MGAT5: variants seen among roughly 807,000 people sequenced by gnomAD.
MGAT5 encodes alpha-1,6-mannosylglycoprotein 6-beta-N-acetylglucosaminyltransferase A.
In MGAT5, 30 loss-of-function variants were observed where a neutral mutation model predicts 94.3. The ratio of observed to expected loss-of-function variants is 0.32; its 90% CI spans 0.24 to 0.43. The LOEUF (loss-of-function observed/expected upper bound fraction) is 0.43. Ranked by LOEUF, MGAT5 falls within the 20% of genes least tolerant of loss-of-function variation. MGAT5 has a pLI of 1.00. For synonymous variants in MGAT5, 310 were observed against 322.9 expected (o/e 0.96, Z 0.43); for missense variants, 691 against 905.5 (o/e 0.76, Z 3.04).
chr2:134,303,174 T>C (rs1686132375), intron 2 of MGAT5, among the ~76,000 whole-genome samples: 1 of 152,208 alleles, frequency 6.6e-6, no homozygotes, highest in South Asian at 2.1e-4. Context: ...TTTTCAAATT[T>C]ACTGATCTTT....
chr2:134,298,325 C>T (rs1685808996), intron 2 of MGAT5, among the ~76,000 whole-genome samples: 1 of 152,050 alleles, frequency 6.6e-6, no homozygotes, highest in Non-Finnish European at 1.5e-5. Context: ...CTTGAACTCC[C>T]GACCTCAAGT....
At chr2:134,127,492 G>T (rs1685895784) in intron 1 of MGAT5, among the ~76,000 whole-genome samples, 1 of 143,286 alleles carries the variant, frequency 7.0e-6, no homozygotes, top group African/African-American at 2.6e-5. Flanking sequence ...CAAGGAAAAG[G>T]TTTCCCCCCC....
intron 2 of MGAT5, among the ~76,000 whole-genome samples, chr2:134,313,704 T>C (rs79887829): frequency 0.031 from 4,780 of 152,256 alleles, 253 homozygotes; most frequent in African/African-American, 0.11. Flanking sequence ...CTTTTTTCTT[T>C]TTATGCCCTC....
intron 10 of MGAT5, among the ~76,000 whole-genome samples, chr2:134,378,655 G>T (rs114460412): frequency 0.012 from 1,673 of 139,314 alleles, 34 homozygotes; most frequent in African/African-American, 0.042. Flanking sequence ...TCACTCTGTC[G>T]CCCAGGCTTG....
chr2:134,289,179 AGT>A (rs985636310), intron 2 of MGAT5, among the ~76,000 whole-genome samples: 2 of 152,108 alleles, frequency 1.3e-5, no homozygotes, highest in African/African-American at 4.8e-5. Context: ...TGGGCACCGC[AGT>A]GTGCCAGTCT....
chr2:134,374,529 C>T (rs1250578769), intron 10 of MGAT5, among the ~76,000 whole-genome samples: 2 of 152,156 alleles, frequency 1.3e-5, no homozygotes, highest in African/African-American at 2.4e-5. Context: ...CATTGAGAAT[C>T]GGTGATAAAC....
chr2:134,168,765 ACT>A (rs1414961325), intron 1 of MGAT5, among the ~76,000 whole-genome samples: 2 of 152,194 alleles, frequency 1.3e-5, no homozygotes, highest in East Asian at 3.8e-4. Context: ...AACCATAGAC[ACT>A]CTTTACTTTG....
chr2:134,189,602 G>GTTTGGTTTTGTTT (rs1689234800), intron 1 of MGAT5, among the ~76,000 whole-genome samples: 1 of 84,672 alleles, frequency 1.2e-5, no homozygotes, highest in Non-Finnish European at 2.3e-5. Context: ...GTTTTTTTTT[G>GTTTGGTTTTGTTT]TTTTTTTTTT....
intron 1 of MGAT5, among the ~76,000 whole-genome samples, chr2:134,202,314 A>G (rs1295952673): frequency 6.6e-6 from 1 of 152,164 alleles, no homozygotes; most frequent in Non-Finnish European, 1.5e-5. Flanking sequence ...AGCCCTTGTG[A>G]ATGGGGTTCA....
At chr2:134,391,832 A>G (rs1197511543) in intron 10 of MGAT5, among the ~76,000 whole-genome samples, 1 of 152,170 alleles carries the variant, frequency 6.6e-6, no homozygotes, top group Non-Finnish European at 1.5e-5. Context: ...ACTTAACCAC[A>G]TTATCTCATG....
At chr2:134,141,988 T>C (rs1372244212) in intron 1 of MGAT5, among the ~76,000 whole-genome samples, 1 of 152,144 alleles carries the variant, frequency 6.6e-6, no homozygotes, top group Non-Finnish European at 1.5e-5. Flanking sequence ...GGAGCAAGCC[T>C]GGCTCAGGAG....
At chr2:134,399,223 T>G (rs1682894016) in intron 10 of MGAT5, among the ~76,000 whole-genome samples, 1 of 152,188 alleles carries the variant, frequency 6.6e-6, no homozygotes, top group South Asian at 2.1e-4. Context: ...TAAAATAAGT[T>G]GGGGAAAGCT....
chr2:134,229,405 C>G (rs548418303), intron 1 of MGAT5, among the ~76,000 whole-genome samples: 6 of 152,216 alleles, frequency 3.9e-5, no homozygotes, highest in Non-Finnish European at 7.3e-5. Flanking sequence ...TGCCTACACA[C>G]ATGTGTGTTT....
At chr2:134,427,546 GA>G (rs1353820456) in intron 13 of MGAT5, among the ~76,000 whole-genome samples, 2 of 152,028 alleles carry the variant, frequency 1.3e-5, no homozygotes, top group African/African-American at 2.4e-5. Context: ...GGCTTTTTTG[GA>G]AATTCAGTGA....
chr2:134,253,608 C>T (rs776633618), upstream of MGAT5, among the ~76,000 whole-genome samples: 1 of 152,150 alleles, frequency 6.6e-6, no homozygotes, highest in Non-Finnish European at 1.5e-5. Context: ...GTGAGGTGTA[C>T]CTTTTCCTCA....
chr2:134,380,127 G>A (rs1013847478), intron 10 of MGAT5, among the ~76,000 whole-genome samples: 1 of 152,204 alleles, frequency 6.6e-6, no homozygotes, highest in African/African-American at 2.4e-5. Flanking sequence ...AAGACAAGGA[G>A]CGTGTTGTTC....
intron 1 of MGAT5, among the ~76,000 whole-genome samples, chr2:134,167,437 G>A (rs1280602309): frequency 6.6e-6 from 1 of 152,184 alleles, no homozygotes; most frequent in Non-Finnish European, 1.5e-5. Flanking sequence ...TCACCTGGAG[G>A]CCTTGTTAAA....
rs185272594 is a variant in MGAT5, at chr2:134,364,286, G to C, written c.1380+1878G>C. 1.9e-3 allele frequency among the ~76,000 whole-genome samples: 292 copies of C among 152,282 alleles called. 1 individual carries two copies. Among genetic ancestry groups the C allele is most frequent in the African/African-American group, 6.4e-3 (267 of 41,530 alleles). On this transcript the variant is annotated intron_variant, in intron 10 of 15. Transcript: ENST00000281923. ...AGGCTGAGGCGGGTGGATCACCTGA[G>C]GTCAGGAGTTTGCAACCAGCCTGAC...
At chr2:134,160,495 G>C (rs552931387) in intron 1 of MGAT5, among the ~76,000 whole-genome samples, 99 of 152,300 alleles carry the variant, frequency 6.5e-4, no homozygotes, top group South Asian at 5.8e-3. Context: ...ATGCAGGCTG[G>C]CTCACCCAAA....
Sources: gnomAD v4.1 joint callset for allele counts (sites outside exome capture counted in the v4.1 genomes callset) on GRCh38, gnomAD v4.1.1 for gene constraint, MANE v1.5 for transcripts, NCBI Gene and HGNC (gene_info 2026-07-23, HGNC 2026-07-21) for gene names.